LRRIQ1: variants seen among roughly 807,000 people sequenced by gnomAD.
The protein encoded by LRRIQ1 is leucine-rich repeat- and IQ domain-containing protein 1.
Under a neutral mutation model 211.9 loss-of-function variants are expected in LRRIQ1, and 210 were observed. The ratio of observed to expected loss-of-function variants is 0.99; its 90% confidence interval spans 0.89 to 1.11. The LOEUF (loss-of-function observed/expected upper bound fraction) is 1.11. Ranked by LOEUF, LRRIQ1 falls within the 50% of genes most tolerant of loss-of-function variation. The pLI, the probability that LRRIQ1 is intolerant of heterozygous loss-of-function variation, is 0.00. For synonymous variants in LRRIQ1, 699 were observed against 650.1 expected, an observed-to-expected ratio of 1.08 and a Z score of -1.14; for missense variants, 2,136 against 1,939.5, an observed-to-expected ratio of 1.10 and a Z score of -1.90.
intron 19 of LRRIQ1, among the ~76,000 whole-genome samples, chr12:85,140,048 T>C (rs1381697299): frequency 6.6e-6 from 1 of 151,334 alleles, no homozygotes; most frequent in Non-Finnish European, 1.5e-5. Context: ...CTAGGTATCA[T>C]GAAAACAATG....
At chr12:85,107,043 G>A (rs1030397206) in intron 15 of LRRIQ1, among the ~76,000 whole-genome samples, 1 of 152,106 alleles carries the variant, frequency 6.6e-6, no homozygotes, top group African/African-American at 2.4e-5. Flanking sequence ...TAAAAAGTTT[G>A]TGTTATAAGC....
chr12:85,212,989 G>T (rs1037926958), intron 24 of LRRIQ1, among the ~76,000 whole-genome samples: 2 of 150,896 alleles, frequency 1.3e-5, no homozygotes, highest in African/African-American at 2.4e-5. Context: ...GGCACAAAAT[G>T]AGATTGTGTA....
chr12:85,058,689 CTTTCTT>C (rs1298634175), intron 8 of LRRIQ1, among the ~76,000 whole-genome samples: 2 of 151,982 alleles, frequency 1.3e-5, no homozygotes, highest in African/African-American at 2.4e-5. Flanking sequence ...ATAATTAACT[CTTTCTT>C]TTACTTCTTA....
At chr12:85,157,925 G>A (rs1211847017) in intron 23 of LRRIQ1, among the ~76,000 whole-genome samples, 3 of 151,780 alleles carry the variant, frequency 2.0e-5, no homozygotes, top group African/African-American at 7.3e-5. Context: ...CTATAGCAAA[G>A]CCATCAGATT....
chr12:85,166,797 G>A (rs1891174106), intron 24 of LRRIQ1, among the ~76,000 whole-genome samples: 2 of 152,294 alleles, frequency 1.3e-5, no homozygotes, highest in Admixed American at 1.3e-4. Flanking sequence ...TCAATAATTA[G>A]TCAAAATTAT....
chr12:85,065,365 C>T lies in LRRIQ1; in HGVS notation c.2495C>T (p.Ser832Phe). 2.5e-6 allele frequency: 4 copies of T among 1,610,602 alleles called. No homozygotes were observed. Among genetic ancestry groups the T allele is most frequent in the Non-Finnish European group, 3.4e-6 (4 of 1,177,752 alleles). Residue 832 changes from serine to phenylalanine, a missense_variant, in exon 9 of 27, where the codon TCT becomes TTT. Coordinates refer to ENST00000393217, the MANE Select transcript of LRRIQ1 (RefSeq NM_001079910.2). Reference protein sequence around the residue: ...FLSLRRCGLTSLHSLSNCKKL... With the variant: ...FLSLRRCGLTFLHSLSNCKKL... ...TCCCTTCGACGCTGTGGATTAACTT[C>T]TTTGCACAGCCTGAGTAATTGTAAA... is the stretch of plus-strand genomic sequence containing the variant.
chr12:85,065,680 C>T (rs1354269347), intron 9 of LRRIQ1, among the ~76,000 whole-genome samples: 1 of 151,824 alleles, frequency 6.6e-6, no homozygotes, highest in Non-Finnish European at 1.5e-5. Flanking sequence ...GATTATATTA[C>T]TTAGTAGTTT....
rs147613901 is a variant in LRRIQ1 at position 85,154,717 on chromosome 12, C to A, written c.4720+623C>A. Among the ~76,000 whole-genome samples the A allele has an allele frequency of 5.2e-3, 781 of 151,184 alleles. 3 individuals are homozygous for A. Among genetic ancestry groups the A allele is most frequent in the African/African-American group, 0.018 (758 of 41,406 alleles). ...AAGAAATATCAGGATATTATGATAT[C>A]TTTAATTAAAACTATTTAAAATAAT... is the stretch of plus-strand genomic sequence containing the variant. On this transcript the variant is annotated intron_variant, in intron 23 of 26. Transcript: ENST00000393217.
downstream of LRRIQ1, among the ~76,000 whole-genome samples, chr12:85,267,162 C>A (rs1376204241): frequency 2.0e-5 from 3 of 151,966 alleles, no homozygotes; most frequent in Non-Finnish European, 4.4e-5. Flanking sequence ...ATTTTTATGA[C>A]CCCCAAAGGA....
downstream of LRRIQ1, among the ~76,000 whole-genome samples, chr12:85,245,590 ACT>A (rs1251834848): frequency 1.6e-4 from 24 of 150,424 alleles, no homozygotes; most frequent in African/African-American, 5.6e-4. Context: ...GCAATTATTA[ACT>A]CTGAAAAATG....
chr12:85,181,444 T>G (rs1038354688), intron 24 of LRRIQ1, among the ~76,000 whole-genome samples: 1 of 151,818 alleles, frequency 6.6e-6, no homozygotes, highest in Admixed American at 6.6e-5. Flanking sequence ...TCTTTTGAAA[T>G]TTTCCAAAAC....
chr12:85,079,050 A>G (rs1337952395), intron 11 of LRRIQ1, among the ~76,000 whole-genome samples: 2 of 152,072 alleles, frequency 1.3e-5, no homozygotes, highest in African/African-American at 4.8e-5. Context: ...ATTTGCTATA[A>G]TATCACAAGT....
chr12:85,155,597 A>G (rs894272924), intron 23 of LRRIQ1, among the ~76,000 whole-genome samples: 4 of 151,688 alleles, frequency 2.6e-5, no homozygotes, highest in Non-Finnish European at 4.4e-5. Flanking sequence ...GGCAAGTTCA[A>G]ATATCAGAGG....
chr12:85,236,830 C>CATATATATATATATATCTATATATAT, intron 26 of LRRIQ1, among the ~76,000 whole-genome samples: 1 of 108,802 alleles, frequency 9.2e-6, no homozygotes, highest in East Asian at 2.5e-4. Flanking sequence ...TGTATGTGTG[C>CATATATATATATATATCTATATATAT]ATATATATAT....
intron 15 of LRRIQ1, among the ~76,000 whole-genome samples, chr12:85,108,329 A>T (rs939097371): frequency 5.3e-5 from 8 of 152,122 alleles, no homozygotes; most frequent in Admixed American, 2.0e-4. Context: ...GATGTCTCAT[A>T]TAGAGACAGG....
chr12:85,077,916 G>A (rs979850337), intron 11 of LRRIQ1, among the ~76,000 whole-genome samples: 1 of 150,358 alleles, frequency 6.7e-6, no homozygotes, highest in Non-Finnish European at 1.5e-5. Context: ...TGAGCTTGGG[G>A]GATCAAGGCT....
At chr12:85,269,476 A>C in the LRRIQ1 span, among the ~76,000 whole-genome samples, 1 of 152,074 alleles carries the variant, frequency 6.6e-6, no homozygotes, top group Non-Finnish European at 1.5e-5. Flanking sequence ...TATTAAGTGC[A>C]AGAAAACTTG....
chr12:85,125,778 A>T (rs945596162), intron 17 of LRRIQ1, among the ~76,000 whole-genome samples: 2 of 152,190 alleles, frequency 1.3e-5, no homozygotes, highest in African/African-American at 2.4e-5. Context: ...TGCTCCAAAC[A>T]CTTCAAACGT....
chr12:85,260,851 G>C (rs1189620863), intron 1 of LRRIQ1, among the ~76,000 whole-genome samples: 1 of 152,164 alleles, frequency 6.6e-6, no homozygotes, highest in African/African-American at 2.4e-5. Context: ...GTAGAAGGAG[G>C]ATAGGTTTTT....
Sources: gnomAD v4.1 joint callset for allele counts (sites outside exome capture counted in the v4.1 genomes callset) on GRCh38, gnomAD v4.1.1 for gene constraint, MANE v1.5 for transcripts, NCBI Gene and HGNC (gene_info 2026-07-23, HGNC 2026-07-21) for gene names.